NDST3: variants seen among roughly 807,000 people sequenced by gnomAD.
The protein encoded by NDST3 is bifunctional heparan sulfate N-deacetylase/N-sulfotransferase 3.
Under a neutral mutation model 96.1 loss-of-function variants are expected in NDST3, and 58 were observed. The ratio of observed to expected loss-of-function variants is 0.60; its 90% CI spans 0.49 to 0.75. The LOEUF (loss-of-function observed/expected upper bound fraction) is 0.75. Among genes scored for constraint, NDST3 ranks in the 30% least tolerant of loss-of-function variants. The probability of loss-of-function intolerance (pLI) is 0.00; values close to 1 mark genes in which losing one functional copy is unlikely to be tolerated. For synonymous variants in NDST3, 333 were observed against 359.7 expected, an observed-to-expected ratio of 0.93 and a Z score of 0.84; for missense variants, 788 against 1,034.2, an observed-to-expected ratio of 0.76 and a Z score of 3.27.
chr4:118,131,867 C>T (rs1732645669), intron 4 of NDST3, among the ~76,000 whole-genome samples: 1 of 152,042 alleles, frequency 6.6e-6, no homozygotes, highest in Non-Finnish European at 1.5e-5. Flanking sequence ...GATTAATAGG[C>T]AGAGATTCTT....
At chr4:118,049,399 T>C (rs1323089549) in intron 1 of NDST3, among the ~76,000 whole-genome samples, 1 of 151,522 alleles carries the variant, frequency 6.6e-6, no homozygotes, top group East Asian at 1.9e-4. Context: ...GAAATTGAGA[T>C]GCCAAAATCC....
chr4:118,170,280 C>G (rs1735848870), intron 6 of NDST3, among the ~76,000 whole-genome samples: 2 of 152,230 alleles, frequency 1.3e-5, no homozygotes, highest in Admixed American at 1.3e-4. Flanking sequence ...GAATTAATAA[C>G]CAGTTTTCTT....
At position 118,249,216 on chromosome 4, in the gene NDST3, T is replaced by C. The variant is rs527577964; in HGVS notation, c.2400-4283T>C. 3.9e-5 allele frequency among the ~76,000 whole-genome samples: 6 copies of C among 152,354 alleles called. No individual in the cohort carries two copies. The East Asian group carries it at 9.6e-4, about 24-fold the overall frequency. On this transcript the variant is annotated intron_variant, in intron 12 of 13. Transcript: ENST00000296499. Reference sequence around the variant, plus strand: ...ACTACTCATTTTAATACACAGCATATGTATGTTCCAGTTACGTTATCTACA... The same window carrying C: ...ACTACTCATTTTAATACACAGCATACGTATGTTCCAGTTACGTTATCTACA...
chr4:118,187,657 T>A (rs1253614173), intron 6 of NDST3, among the ~76,000 whole-genome samples: 1 of 152,138 alleles, frequency 6.6e-6, no homozygotes, highest in African/African-American at 2.4e-5. Flanking sequence ...CTATTGTTGT[T>A]AGAGACATAA....
intron 2 of NDST3, among the ~76,000 whole-genome samples, chr4:118,081,812 T>G (rs1198764286): frequency 6.6e-6 from 1 of 152,148 alleles, no homozygotes; most frequent in Admixed American, 6.5e-5. Flanking sequence ...ATTTGTCAGA[T>G]AAAAAAGTTG....
At chr4:118,167,168 G>A (rs180774646) in intron 6 of NDST3, among the ~76,000 whole-genome samples, 5 of 151,356 alleles carry the variant, frequency 3.3e-5, no homozygotes, top group South Asian at 2.1e-4. Context: ...ACATACACAC[G>A]CAGGCACACA....
intron 6 of NDST3, among the ~76,000 whole-genome samples, chr4:118,147,845 T>C (rs767596203): frequency 7.2e-5 from 11 of 152,236 alleles, no homozygotes; most frequent in Non-Finnish European, 1.3e-4. Flanking sequence ...TCACAAGATG[T>C]TATGAGTCTT....
intron 2 of NDST3, among the ~76,000 whole-genome samples, chr4:118,061,975 C>T (rs1725931809): frequency 6.6e-6 from 1 of 152,126 alleles, no homozygotes. Flanking sequence ...ACAGAAACAG[C>T]TGGATTGGTT....
At chr4:118,253,042 A>C (rs1354104776) in intron 12 of NDST3, among the ~76,000 whole-genome samples, 1 of 152,218 alleles carries the variant, frequency 6.6e-6, no homozygotes, top group Non-Finnish European at 1.5e-5. Flanking sequence ...ATACACTGAA[A>C]CCTTTTCTCT....
chr4:118,192,827 C>G (rs1373414691), intron 6 of NDST3, among the ~76,000 whole-genome samples: 4 of 152,018 alleles, frequency 2.6e-5, no homozygotes, highest in Non-Finnish European at 5.9e-5. Context: ...GGGACACAAC[C>G]TGGCTGAGAG....
intron 6 of NDST3, among the ~76,000 whole-genome samples, chr4:118,163,189 G>A (rs1484028558): frequency 7.2e-5 from 11 of 152,160 alleles, no homozygotes; most frequent in African/African-American, 2.7e-4. Flanking sequence ...GGAAGTCAAT[G>A]TGGCAATTCC....
intron 6 of NDST3, among the ~76,000 whole-genome samples, chr4:118,181,279 G>C (rs957492705): frequency 3.3e-5 from 5 of 152,014 alleles, no homozygotes; most frequent in African/African-American, 1.2e-4. Context: ...AAGGAGGTAG[G>C]GGCTAGAAGA....
At chr4:118,047,414 G>T (rs2110435339) in intron 1 of NDST3, among the ~76,000 whole-genome samples, 1 of 152,322 alleles carries the variant, frequency 6.6e-6, no homozygotes, top group East Asian at 1.9e-4. Flanking sequence ...AGTCTGAAAT[G>T]ACTGAAATGA....
intron 6 of NDST3, among the ~76,000 whole-genome samples, chr4:118,199,179 A>G (rs914865277): frequency 2.0e-5 from 3 of 152,156 alleles, no homozygotes; most frequent in Admixed American, 6.5e-5. Flanking sequence ...TTTAAAGCCA[A>G]TAACTCTTAG....
chr4:118,201,416 T>C lies in NDST3; in HGVS notation c.1540-23075T>C, dbSNP rs1001245797. Among the ~76,000 whole-genome samples the C allele has an allele frequency of 3.3e-5, 5 of 152,350 alleles. No homozygotes were observed. The East Asian group carries it at 9.6e-4, about 29-fold the overall frequency. On this transcript the variant is annotated intron_variant, in intron 6 of 13. Coordinates refer to ENST00000296499, the MANE Select transcript of NDST3 (RefSeq NM_004784.3). Reference sequence around the variant, plus strand: ...AATTCCCACTAACAATGTATAAGTGTCCACTTTTCTCCACATCTTCACCAG... The same window carrying C: ...AATTCCCACTAACAATGTATAAGTGCCCACTTTTCTCCACATCTTCACCAG...
chr4:118,042,050 T>C (rs1469235849), intron 1 of NDST3, among the ~76,000 whole-genome samples: 1 of 152,224 alleles, frequency 6.6e-6, no homozygotes, highest in Non-Finnish European at 1.5e-5. Flanking sequence ...CTGTAACCTG[T>C]CAATTCCAAA....
intron 2 of NDST3, among the ~76,000 whole-genome samples, chr4:118,095,283 A>C (rs543486008): frequency 6.6e-6 from 1 of 151,778 alleles, no homozygotes; most frequent in South Asian, 2.1e-4. Flanking sequence ...GTATGTCTAG[A>C]GCATAGTGAG....
At chr4:118,164,751 T>C (rs917349674) in intron 6 of NDST3, among the ~76,000 whole-genome samples, 2 of 152,016 alleles carry the variant, frequency 1.3e-5, no homozygotes, top group Admixed American at 1.3e-4. Context: ...AAGGCAAAAG[T>C]ATAAAAAACA....
chr4:118,218,825 T>C (rs1356738777), intron 6 of NDST3, among the ~76,000 whole-genome samples: 1 of 152,140 alleles, frequency 6.6e-6, no homozygotes, highest in Non-Finnish European at 1.5e-5. Context: ...GTTAAGCTGA[T>C]AAGTAACTTC....
Sources: gnomAD v4.1 joint callset for allele counts (sites outside exome capture counted in the v4.1 genomes callset) on GRCh38, gnomAD v4.1.1 for gene constraint, MANE v1.5 for transcripts, NCBI Gene and HGNC (gene_info 2026-07-23, HGNC 2026-07-21) for gene names.